The following KLHL13 variants were observed in gnomAD, a reference collection of about 807,000 sequenced individuals.
The protein encoded by KLHL13 is kelch like family member 13.
KLHL13 carries 10 observed loss-of-function variants against 37.1 expected under a neutral mutation model. That is an observed-to-expected ratio of 0.27 (90% confidence interval 0.17 to 0.46). The LOEUF (loss-of-function observed/expected upper bound fraction) is 0.46, where lower values mean the gene tolerates loss of function less well. Ranked by LOEUF, KLHL13 falls within the 20% of genes least tolerant of loss-of-function variation. KLHL13 has a pLI of 1.00. For synonymous variants in KLHL13, 163 were observed against 181.2 expected, an observed-to-expected ratio of 0.90 and a Z score of 0.81; for missense variants, 360 against 509.3, an observed-to-expected ratio of 0.71 and a Z score of 2.82.
intron 1 of KLHL13, among the ~76,000 whole-genome samples, chrX:118,042,919 G>GA (rs376795223): frequency 0.082 from 8,073 of 98,253 alleles, 318 homozygotes; most frequent in Middle Eastern, 0.14. Context: ...ACATTGAAAT[G>GA]AAAAAAAAAA....
chrX:117,958,666 A>G (rs2053242059), intron 1 of KLHL13, among the ~76,000 whole-genome samples: 1 of 109,844 alleles, frequency 9.1e-6, no homozygotes, highest in Non-Finnish European at 1.9e-5. Flanking sequence ...TTGCTTGCAA[A>G]GAGATGATAA....
chrX:117,991,640 A>G (rs994071094), intron 1 of KLHL13, among the ~76,000 whole-genome samples: 6 of 110,871 alleles, frequency 5.4e-5, no homozygotes, highest in Admixed American at 9.7e-5. Flanking sequence ...GCACACAACT[A>G]AAAAACACAG....
At chrX:117,968,504 G>C (rs1156691906) in intron 1 of KLHL13, among the ~76,000 whole-genome samples, 1 of 111,782 alleles carries the variant, frequency 8.9e-6, no homozygotes, top group Non-Finnish European at 1.9e-5. Flanking sequence ...CACAAAAGTT[G>C]CAGACTAACA....
At chrX:118,026,402 C>T (rs1004774661) in intron 1 of KLHL13, among the ~76,000 whole-genome samples, 2 of 111,416 alleles carry the variant, frequency 1.8e-5, no homozygotes, top group African/African-American at 6.5e-5. Context: ...AATGCCTGAA[C>T]AGGACCCAGT....
At chrX:118,003,536 T>C (rs979767779) in intron 1 of KLHL13, among the ~76,000 whole-genome samples, 1 of 110,632 alleles carries the variant, frequency 9.0e-6, no homozygotes, top group African/African-American at 3.3e-5. Context: ...TTATTTCCAG[T>C]TGCCTCATTT....
At chrX:118,115,587 G>C (rs1342669636) in intron 1 of KLHL13, among the ~76,000 whole-genome samples, 1 of 112,187 alleles carries the variant, frequency 8.9e-6, no homozygotes, top group Non-Finnish European at 1.9e-5. Context: ...ATGCTAACTT[G>C]AGCGACTTTA....
intron 2 of KLHL13, among the ~76,000 whole-genome samples, chrX:117,940,369 G>T (rs1488400357): frequency 9.0e-6 from 1 of 111,643 alleles, no homozygotes; most frequent in Non-Finnish European, 1.9e-5. Flanking sequence ...TTGAAGTCAG[G>T]TAGTGGGATG....
intron 1 of KLHL13, among the ~76,000 whole-genome samples, chrX:117,970,169 T>A (rs1381175009): frequency 2.7e-5 from 3 of 111,403 alleles, no homozygotes; most frequent in Non-Finnish European, 5.7e-5. Flanking sequence ...CTAAAATACT[T>A]CATATTGAAA....
chrX:118,106,343 A>C (rs2148184698), intron 1 of KLHL13, among the ~76,000 whole-genome samples: 1 of 111,576 alleles, frequency 9.0e-6, no homozygotes, highest in South Asian at 3.8e-4. Context: ...AAGAACAGTT[A>C]ATCATGCTTC....
chrX:118,032,825 G>A (rs772893309), intron 1 of KLHL13, among the ~76,000 whole-genome samples: 5,943 of 111,126 alleles, frequency 0.053, 403 homozygotes, highest in African/African-American at 0.18. Context: ...CCAAAGGCAA[G>A]GAAGTTGAAA....
chrX:117,992,270 A>G (rs1263492905), intron 1 of KLHL13, among the ~76,000 whole-genome samples: 1 of 108,440 alleles, frequency 9.2e-6, no homozygotes, highest in Non-Finnish European at 1.9e-5. Context: ...GGGTCATAGG[A>G]GAACAACAAA....
chrX:117,992,972 T>C (rs5955995), intron 1 of KLHL13, among the ~76,000 whole-genome samples: 6,042 of 111,787 alleles, frequency 0.054, 404 homozygotes, highest in African/African-American at 0.18. Flanking sequence ...GTAAACCCAG[T>C]TTCTCACCTT....
chrX:118,027,431 G>C (rs2497845), intron 1 of KLHL13, among the ~76,000 whole-genome samples: 27,261 of 110,383 alleles, frequency 0.25, 5,552 homozygotes, highest in African/African-American at 0.69. Context: ...TTCCCAGGAC[G>C]CTCAGTTCTT....
At chrX:118,084,649 ACCTAAC>A (rs1407291807) in intron 1 of KLHL13, among the ~76,000 whole-genome samples, 3 of 111,708 alleles carry the variant, frequency 2.7e-5, no homozygotes. Context: ...CAAAGTCCAT[ACCTAAC>A]CATAATGTCT....
At chrX:118,029,346 A>G (rs1158908595) in intron 1 of KLHL13, among the ~76,000 whole-genome samples, 1 of 111,982 alleles carries the variant, frequency 8.9e-6, no homozygotes, top group East Asian at 2.8e-4. Context: ...AATATAAGCT[A>G]GAAAGGTATA....
At chrX:118,008,916 A>T (rs1602645383) in intron 1 of KLHL13, among the ~76,000 whole-genome samples, 1 of 111,882 alleles carries the variant, frequency 8.9e-6, no homozygotes, top group East Asian at 2.8e-4. Context: ...ATTAATATGC[A>T]TAAAGGTTTT....
At chrX:118,070,743 T>C (rs1210095088) in intron 1 of KLHL13, among the ~76,000 whole-genome samples, 1 of 99,734 alleles carries the variant, frequency 1.0e-5, no homozygotes, top group African/African-American at 4.5e-5. Context: ...AATTTTTAAA[T>C]ATTTTTATTT....
chrX:117,916,810 C>G (rs1931393947), intron 4 of KLHL13, among the ~76,000 whole-genome samples: 2 of 111,162 alleles, frequency 1.8e-5, no homozygotes, highest in African/African-American at 6.5e-5. Context: ...ACTATAATAT[C>G]ACTATATCAT....
rs952050974 is a variant in KLHL13, at chrX:118,100,479, T to C, written c.-56+16029A>G. ...TTGTTATGTTAATTATCATGGGAAT[T>C]GATAGTATATCATGTTTTTGCTTTT... On this transcript the variant is annotated intron_variant, in intron 1 of 6. Transcript: ENST00000371882. Among the ~76,000 whole-genome samples the C allele has an allele frequency of 7.1e-5, 8 of 111,952 alleles. No homozygotes were observed. The Admixed American group carries it at 7.6e-4, about 11-fold the overall frequency.
Sources: gnomAD v4.1 joint callset for allele counts (sites outside exome capture counted in the v4.1 genomes callset) on GRCh38, gnomAD v4.1.1 for gene constraint, MANE v1.5 for transcripts, NCBI Gene and HGNC (gene_info 2026-07-23, HGNC 2026-07-21) for gene names.